CFDP1: variants seen among roughly 807,000 people sequenced by gnomAD.
CFDP1 encodes the protein chromatin remodeling protein CFDP1, also known as heterochromatin-stabilizing protein CFDP1.
Under a neutral mutation model 40.1 loss-of-function variants are expected in CFDP1, and 31 were observed. The observed-to-expected ratio is 0.77, with a 90% CI of 0.58 to 1.04. CFDP1 has a LOEUF of 1.04. Among genes scored for constraint, CFDP1 ranks in the 50% least tolerant of loss-of-function variants. The probability of loss-of-function intolerance (pLI) is 0.00; values close to 1 mark genes in which losing one functional copy is unlikely to be tolerated. For missense variants in CFDP1, 423 were observed against 343.4 expected (o/e 1.23, Z -1.83); for synonymous variants, 167 against 120.0 (o/e 1.39, Z -2.56).
intron 4 of CFDP1, among the ~76,000 whole-genome samples, chr16:75,405,413 C>T (rs2079089160): frequency 1.3e-5 from 2 of 151,674 alleles, no homozygotes; most frequent in African/African-American, 2.4e-5. Context: ...GATGCTTGAG[C>T]CCAGGAGTTT....
intron 6 of CFDP1, among the ~76,000 whole-genome samples, chr16:75,295,683 A>G (rs1597313752): frequency 6.6e-6 from 1 of 152,236 alleles, no homozygotes; most frequent in South Asian, 2.1e-4. Flanking sequence ...ACACAATGAC[A>G]GGGCCTGCTC....
At chr16:75,294,967 G>A (rs1033125025) in intron 6 of CFDP1, among the ~76,000 whole-genome samples, 3 of 152,186 alleles carry the variant, frequency 2.0e-5, no homozygotes, top group Non-Finnish European at 2.9e-5. Flanking sequence ...ACCATAAAGC[G>A]TGCTGCGATT....
intron 5 of CFDP1, among the ~76,000 whole-genome samples, chr16:75,310,227 C>T (rs1447428044): frequency 6.6e-6 from 1 of 152,172 alleles, no homozygotes; most frequent in African/African-American, 2.4e-5. Context: ...AGCCAGCTTC[C>T]ATGCCATAAG....
intron 5 of CFDP1, among the ~76,000 whole-genome samples, chr16:75,324,439 A>G (rs972314134): frequency 6.6e-6 from 1 of 152,046 alleles, no homozygotes; most frequent in Non-Finnish European, 1.5e-5. Context: ...CCAGAAAGAA[A>G]TTTTAAAAAT....
intron 5 of CFDP1, 79 bp downstream of exon 5, chr16:75,395,011 C>A: frequency 6.5e-7 from 1 of 1,548,684 alleles, no homozygotes; most frequent in Non-Finnish European, 8.8e-7. Flanking sequence ...GGAGTCTGAT[C>A]TGCAGCGAAA....
chr16:75,301,158 C>T (rs908530915), intron 6 of CFDP1, among the ~76,000 whole-genome samples: 2 of 152,120 alleles, frequency 1.3e-5, no homozygotes, highest in African/African-American at 4.8e-5. Flanking sequence ...TAAACATGCC[C>T]GGCCTTTCTT....
intron 6 of CFDP1, among the ~76,000 whole-genome samples, chr16:75,300,579 G>T (rs2078215219): frequency 6.6e-6 from 1 of 152,170 alleles, no homozygotes; most frequent in African/African-American, 2.4e-5. Context: ...GAGCCACCAT[G>T]CCTGGCCCCA....
chr16:75,315,169 C>A (rs1055937990), intron 5 of CFDP1, among the ~76,000 whole-genome samples: 2 of 151,792 alleles, frequency 1.3e-5, no homozygotes, highest in African/African-American at 2.4e-5. Context: ...GGCAAAACCC[C>A]GTCTCTACAA....
At chr16:75,315,360 A>AAG (rs1263844123) in intron 5 of CFDP1, among the ~76,000 whole-genome samples, 62 of 144,748 alleles carry the variant, frequency 4.3e-4, no homozygotes, top group South Asian at 3.8e-3. Context: ...AAAAAAAAAA[A>AAG]GAGAAGGGTT....
In CFDP1 at chr16:75,376,671, A is replaced by C. The variant is rs2078800687; in HGVS notation, c.650+18419T>G. Among the ~76,000 whole-genome samples, 3 of 152,172 alleles carry C rather than the reference A, an allele frequency of 2.0e-5. No individual in the cohort carries two copies. The South Asian group carries it at 6.2e-4, about 32-fold the overall frequency. On this transcript the variant is annotated intron_variant, in intron 5 of 6. Transcript: ENST00000283882. Reference sequence around the variant, plus strand: ...TACCTTATCTTGGATAGTGGCTATGAAGTAGTAGGCAGGACAGGATTCCAG... The same window carrying C: ...TACCTTATCTTGGATAGTGGCTATGCAGTAGTAGGCAGGACAGGATTCCAG...
chr16:75,305,176 T>TAAA lies in CFDP1; in HGVS notation c.656_657insTTT (p.Lys219delinsAsnLeu). The TAAA allele has an allele frequency of 1.2e-6, 2 of 1,613,764 alleles. No homozygotes were observed. The highest frequency in any genetic ancestry group is 1.7e-6 in the Non-Finnish European group (2 of 1,179,952). Reference sequence around the variant, plus strand: ...AAAGGCTGCTCATGCCACTTGATCTTTTTAACCTAAGGAAAGAAAATATGA... The same window carrying TAAA: ...AAAGGCTGCTCATGCCACTTGATCTTAAATTTAACCTAAGGAAAGAAAATATGA... On this transcript the variant is annotated protein_altering_variant, in exon 6 of 7. Coordinates refer to ENST00000283882, the MANE Select transcript of CFDP1 (RefSeq NM_006324.3).
chr16:75,411,921 C>T lies in CFDP1; in HGVS notation c.434G>A (p.Ser145Asn), dbSNP rs2079166353. ...CTCTTCTGCTTTTACCAACAATTTA[C>T]TTGAACTTGTCTCTTCAGTCTCCTC... ...KGEETEETSS[S>N]KLLVKAEELE... Residue 145 changes from serine (S) to asparagine (N), a missense_variant, in exon 4 of 7, where the codon AGT (serine) becomes AAT (asparagine). By Grantham distance (46) the Ser-to-Asn change is conservative. Coordinates refer to ENST00000283882, the MANE Select transcript of CFDP1 (RefSeq NM_006324.3). 6.2e-7 allele frequency: 1 copy of T among 1,610,878 alleles called. No individual in the cohort carries two copies. Among genetic ancestry groups the T allele is most frequent in the Non-Finnish European group, 8.5e-7 (1 of 1,179,242 alleles).
intron 5 of CFDP1, among the ~76,000 whole-genome samples, chr16:75,338,657 T>C (rs111634265): frequency 5.3e-5 from 8 of 152,340 alleles, no homozygotes; most frequent in African/African-American, 1.7e-4. Flanking sequence ...TTTGCTCATC[T>C]ATTCTTTTTG....
intron 4 of CFDP1, among the ~76,000 whole-genome samples, chr16:75,405,928 A>C (rs2079095184): frequency 6.6e-6 from 1 of 151,490 alleles, no homozygotes; most frequent in Non-Finnish European, 1.5e-5. Context: ...CCAAAAAAAA[A>C]AAGAAAAAAG....
At chr16:75,343,595 A>G (rs564824456) in intron 5 of CFDP1, among the ~76,000 whole-genome samples, 1 of 152,350 alleles carries the variant, frequency 6.6e-6, no homozygotes, top group South Asian at 2.1e-4. Context: ...ACAAGGCCTC[A>G]GGGCACCTGG....
At chr16:75,413,541 A>G (rs1370739191) in intron 2 of CFDP1, among the ~76,000 whole-genome samples, 10 of 111,874 alleles carry the variant, frequency 8.9e-5, no homozygotes, top group Non-Finnish European at 1.8e-4. Flanking sequence ...CAACAGGGCG[A>G]GACTCTGTCT....
At chr16:75,337,387 C>G (rs2151518561) in intron 5 of CFDP1, among the ~76,000 whole-genome samples, 1 of 152,332 alleles carries the variant, frequency 6.6e-6, no homozygotes, top group South Asian at 2.1e-4. Flanking sequence ...TAGCCAAACA[C>G]AGAGCTACTT....
At chr16:75,397,970 T>G (rs1458147250) in intron 4 of CFDP1, among the ~76,000 whole-genome samples, 1 of 152,222 alleles carries the variant, frequency 6.6e-6, no homozygotes, top group African/African-American at 2.4e-5. Flanking sequence ...CTCTTGCCCC[T>G]TGAATTCATC....
Position 75,395,217 on chromosome 16 carries a change from A to G in CFDP1, c.531-8T>C, listed in dbSNP as rs373984809. The G allele has an allele frequency of 2.7e-5, 43 of 1,612,570 alleles. No individual in the cohort carries two copies. Among genetic ancestry groups the G allele is most frequent in the Non-Finnish European group, 3.6e-5 (43 of 1,179,150 alleles). Reference sequence around the variant, plus strand: ...TCCACTTCCTTAGTTACCCTGTGCCAAGGAAAAAGACATCAAGCTTACAAG... The same window carrying G: ...TCCACTTCCTTAGTTACCCTGTGCCGAGGAAAAAGACATCAAGCTTACAAG... On this transcript the variant is annotated splice_region_variant and splice_polypyrimidine_tract_variant and intron_variant, in intron 4 of 6. Coordinates refer to ENST00000283882, the MANE Select transcript of CFDP1 (RefSeq NM_006324.3).
Sources: allele counts gnomAD v4.1 joint callset (sites outside exome capture counted in the v4.1 genomes callset), GRCh38; gene constraint gnomAD v4.1.1; transcripts MANE v1.5; gene names NCBI Gene and HGNC (gene_info 2026-07-23, HGNC 2026-07-21).